BCAS3: variants seen among roughly 807,000 people sequenced by gnomAD.
BCAS3 encodes BCAS3 microtubule associated cell migration factor.
BCAS3 carries 53 observed loss-of-function variants against 116.1 expected under a neutral mutation model. That is an observed-to-expected ratio of 0.46 (90% CI 0.37 to 0.57). The LOEUF (loss-of-function observed/expected upper bound fraction) is 0.57, where lower values mean the gene tolerates loss of function less well. BCAS3 is among the 20% of genes least tolerant of loss of function. The probability of loss-of-function intolerance (pLI) is 0.00; values close to 1 mark genes in which losing one functional copy is unlikely to be tolerated. For synonymous variants in BCAS3, 391 were observed against 408.2 expected (o/e 0.96, Z 0.51); for missense variants, 917 against 1,165.4 (o/e 0.79, Z 3.10).
intron 11 of BCAS3, among the ~76,000 whole-genome samples, chr17:60,903,265 C>T (rs954813863): frequency 6.6e-6 from 1 of 152,126 alleles, no homozygotes; most frequent in Non-Finnish European, 1.5e-5. Flanking sequence ...GAAAGCACAA[C>T]CATTCAGAAA....
At chr17:61,003,251 T>A (rs2064387973) in intron 15 of BCAS3, among the ~76,000 whole-genome samples, 1 of 152,060 alleles carries the variant, frequency 6.6e-6, no homozygotes, top group Admixed American at 6.6e-5. Flanking sequence ...GCAATCTTTT[T>A]AATATGATTT....
chr17:61,185,139 C>G (rs1266728986), intron 22 of BCAS3, among the ~76,000 whole-genome samples: 3 of 151,936 alleles, frequency 2.0e-5, no homozygotes, highest in Admixed American at 1.3e-4. Context: ...GACAGAAACT[C>G]TTTACCAAAA....
At chr17:60,973,607 A>T (rs996437833) in intron 14 of BCAS3, among the ~76,000 whole-genome samples, 2 of 148,810 alleles carry the variant, frequency 1.3e-5, no homozygotes, top group Non-Finnish European at 3.0e-5. Context: ...ATATATATAT[A>T]TGTATGAAGG....
At chr17:60,724,447 G>A (rs1415997629) in intron 5 of BCAS3, among the ~76,000 whole-genome samples, 2 of 147,014 alleles carry the variant, frequency 1.4e-5, no homozygotes, top group Admixed American at 6.8e-5. Context: ...AAAAAAGGCC[G>A]GATGCGGTGG....
chr17:61,275,038 G>T (rs2144646206), intron 22 of BCAS3, among the ~76,000 whole-genome samples: 1 of 152,190 alleles, frequency 6.6e-6, no homozygotes, highest in South Asian at 2.1e-4. Context: ...TTTTTGTAGA[G>T]ATGGGGTCTC....
chr17:61,012,712 A>C lies in BCAS3; in HGVS notation c.1487-3039A>C, dbSNP rs2065191744. ...GCATAAACACAGGAGCAGGCTGAGA[A>C]GGATAGATCTGAAGTTCTTTGTATG... On this transcript the variant is annotated intron_variant, in intron 15 of 23. Coordinates refer to ENST00000407086, the MANE Select transcript of BCAS3 (RefSeq NM_017679.5). This position sits in a 1 kb window ranked among gnomAD's most constrained non-coding sequence, Gnocchi z 4.5. Among the ~76,000 whole-genome samples the C allele has an allele frequency of 1.3e-5, 2 of 152,076 alleles. No individual in the cohort carries two copies. The highest frequency in any genetic ancestry group is 6.6e-5 in the Admixed American group (1 of 15,254).
chr17:60,992,868 GCTTTT>G (rs1254851674), intron 15 of BCAS3, among the ~76,000 whole-genome samples: 1 of 151,908 alleles, frequency 6.6e-6, no homozygotes, highest in East Asian at 1.9e-4. Flanking sequence ...TTCTTTGGGG[GCTTTT>G]CTTTTTGTGT....
chr17:60,733,258 A>G (rs2040640589), intron 5 of BCAS3, among the ~76,000 whole-genome samples: 1 of 152,220 alleles, frequency 6.6e-6, no homozygotes, highest in Admixed American at 6.5e-5. Context: ...CTAAACTGTT[A>G]GAATCATTGA....
chr17:61,328,282 G>A (rs2055903402), intron 22 of BCAS3, among the ~76,000 whole-genome samples: 1 of 152,206 alleles, frequency 6.6e-6, no homozygotes, highest in South Asian at 2.1e-4. Flanking sequence ...AACAGTGCTT[G>A]TCTCTGGGGA....
At chr17:60,977,781 T>C (rs1279366657) in intron 14 of BCAS3, among the ~76,000 whole-genome samples, 3 of 150,818 alleles carry the variant, frequency 2.0e-5, no homozygotes, top group African/African-American at 7.4e-5. Flanking sequence ...CATAGTTTAC[T>C]GAGAATGATG....
intron 22 of BCAS3, among the ~76,000 whole-genome samples, chr17:61,269,098 A>C (rs1418643949): frequency 6.6e-6 from 1 of 151,542 alleles, no homozygotes; most frequent in Non-Finnish European, 1.5e-5. Context: ...AACATCTCTT[A>C]GAAATTGTAT....
In BCAS3 at chr17:60,995,451, C is replaced by T. The variant is rs146141743; in HGVS notation, c.1486+5216C>T. On this transcript the variant is annotated intron_variant, in intron 15 of 23. Transcript: ENST00000407086. This position sits in a 1 kb window ranked among gnomAD's most constrained non-coding sequence, Gnocchi z 4.7. ...TGCTGGGATTACAGACATGAGCCAC[C>T]GCGCCCAGCCGAATTTTTGTATTTT... Among the ~76,000 whole-genome samples, 3 of 152,056 alleles carry T rather than the reference C, an allele frequency of 2.0e-5. No individual in the cohort carries two copies. Among genetic ancestry groups the T allele is most frequent in the South Asian group, 2.1e-4 (1 of 4,806 alleles).
intron 7 of BCAS3, among the ~76,000 whole-genome samples, chr17:60,829,386 C>T (rs1290061609): frequency 6.6e-6 from 1 of 151,200 alleles, no homozygotes; most frequent in African/African-American, 2.4e-5. Context: ...CCCAGCTACT[C>T]GGGAGGCTGA....
chr17:61,079,589 TTATTTA>T (rs2072360331), intron 21 of BCAS3, among the ~76,000 whole-genome samples: 1 of 152,040 alleles, frequency 6.6e-6, no homozygotes, highest in Admixed American at 6.6e-5. Context: ...CTATTTTATT[TTATTTA>T]TTTTTTATTT....
In BCAS3 at chr17:61,132,768, T is replaced by C. The variant is rs560968836; in HGVS notation, c.2425+48204T>C. 6.6e-6 allele frequency among the ~76,000 whole-genome samples: 1 copy of C among 152,028 alleles called. No homozygotes were observed. The highest frequency in any genetic ancestry group is 2.1e-4 in the South Asian group (1 of 4,812). On this transcript the variant is annotated intron_variant, in intron 22 of 23. Transcript: ENST00000407086. This position sits in a 1 kb window ranked among gnomAD's most constrained non-coding sequence, Gnocchi z 5.1. Reference sequence around the variant, plus strand: ...AAGACAAGAGAAGTGGAAGATAGAGTCCACTCCCCTATCCCCGTCAATGAG... The same window carrying C: ...AAGACAAGAGAAGTGGAAGATAGAGCCCACTCCCCTATCCCCGTCAATGAG...
intron 22 of BCAS3, among the ~76,000 whole-genome samples, chr17:61,295,789 TAA>T (rs763805941): frequency 1.0e-4 from 14 of 133,516 alleles, no homozygotes; most frequent in African/African-American, 1.4e-4. Flanking sequence ...CCGTCTCTAC[TAA>T]AAAAAAAAAA....
chr17:60,933,630 A>C (rs1163581125), intron 13 of BCAS3, among the ~76,000 whole-genome samples: 3 of 152,212 alleles, frequency 2.0e-5, no homozygotes, highest in Non-Finnish European at 2.9e-5. Flanking sequence ...TTGTTAAAGA[A>C]GTTTAGGTTT....
At chr17:61,386,339 A>G (rs2059848362) in intron 23 of BCAS3, among the ~76,000 whole-genome samples, 1 of 152,168 alleles carries the variant, frequency 6.6e-6, no homozygotes, top group African/African-American at 2.4e-5. Flanking sequence ...GGCCAGGGGA[A>G]ACATCCTCAT....
chr17:61,378,772 G>C lies in BCAS3; in HGVS notation c.2593+10278G>C, dbSNP rs1555865835. On this transcript the variant is annotated intron_variant, in intron 23 of 23. Coordinates refer to ENST00000407086, the MANE Select transcript of BCAS3 (RefSeq NM_017679.5). This position sits in a 1 kb window ranked among gnomAD's most constrained non-coding sequence, Gnocchi z 5.8. The stretch of plus-strand genomic sequence containing the variant: ...TAGTTATTGATTAAAAGTCACACTT[G>C]TTAATTTCTGGCCAGGTCTCAAATC... 6.6e-6 allele frequency: 1 copy of C among 152,232 alleles called. No individual in the cohort carries two copies. Among genetic ancestry groups the C allele is most frequent in the Non-Finnish European group, 1.5e-5 (1 of 68,044 alleles). The allele number at this position is 152,232 out of a possible 1,614,324, so 9.4% of individuals were successfully genotyped here.
Sources: gnomAD v4.1 joint callset for allele counts (sites outside exome capture counted in the v4.1 genomes callset) on GRCh38, gnomAD v4.1.1 for gene constraint, Gnocchi (gnomAD v3.1) non-coding constraint, MANE v1.5 for transcripts, NCBI Gene and HGNC (gene_info 2026-07-23, HGNC 2026-07-21) for gene names.